BTBD16: variants seen among roughly 807,000 people sequenced by gnomAD.
BTBD16 encodes the protein BTB/POZ domain-containing protein 16.
BTBD16 carries 66 observed loss-of-function variants against 67.4 expected under a neutral mutation model. The ratio of observed to expected loss-of-function variants is 0.98; its 90% confidence interval spans 0.80 to 1.20. BTBD16 has a LOEUF of 1.20. BTBD16 is among the 50% of genes most tolerant of loss of function. BTBD16 has a pLI of 0.00. For missense variants in BTBD16, 634 were observed against 616.0 expected, an observed-to-expected ratio of 1.03 and a Z score of -0.31; for synonymous variants, 242 against 236.4, an observed-to-expected ratio of 1.02 and a Z score of -0.22.
chr10:122,273,188 A>C (rs777227388), intron 1 of BTBD16, among the ~76,000 whole-genome samples: 1 of 150,282 alleles, frequency 6.7e-6, no homozygotes, highest in African/African-American at 2.4e-5. Context: ...CACTTGGAAG[A>C]CTATTTCATA....
chr10:122,334,102 A>G (rs1375839393), intron 13 of BTBD16, among the ~76,000 whole-genome samples: 1 of 152,168 alleles, frequency 6.6e-6, no homozygotes. Flanking sequence ...TTCCTAGGTT[A>G]AAATTGCCAT....
In BTBD16 at chr10:122,336,666, C is replaced by T. The variant is rs141730095; in HGVS notation, c.1436C>T (p.Ser479Leu). The T allele has an allele frequency of 1.9e-5, 30 of 1,586,990 alleles. No individual in the cohort carries two copies. In the African/African-American group the frequency reaches 3.0e-4, roughly 16 times the overall value. The change falls in exon 15 of 16, where the codon TCA becomes TTA. Residue 479 changes from serine (S) to leucine (L), a missense_variant. Coordinates refer to ENST00000260723, the MANE Select transcript of BTBD16 (RefSeq NM_144587.5). ...AAGCAGAAGTTTGGGTTGACCACGT[C>T]ATCCTGCAAAAGCCATGCAAGTGTT... is the stretch of plus-strand genomic sequence containing the variant. The part of the protein sequence containing the change: ...QIKQKFGLTT[S>L]SCKSHTLKIQ...
chr10:122,299,155 T>G, intron 9 of BTBD16, 21 bp downstream of exon 9: 1 of 1,611,152 alleles, frequency 6.2e-7, no homozygotes, highest in Non-Finnish European at 8.5e-7. Flanking sequence ...GCTCCCAGGG[T>G]GCGGCCCCTG....
rs1276839018 is a variant in BTBD16, at chr10:122,332,462, C to T, written c.1113C>T (p.His371=). The change falls in exon 13 of 16, where the codon CAC becomes CAT. Residue 371 remains histidine (H), a synonymous_variant. Coordinates refer to ENST00000260723, the MANE Select transcript of BTBD16 (RefSeq NM_144587.5). ...TGGAGAATGGGGGCGACATGGTCCA[C>T]CTGAAAGATCTTAACACCCAGGCTG... ...HALENGGDMV[H]LKDLNTQAVR... 6.2e-7 allele frequency: 1 copy of T among 1,613,956 alleles called. No individual in the cohort carries two copies. Among genetic ancestry groups the T allele is most frequent in the African/African-American group, 1.3e-5 (1 of 74,910 alleles).
chr10:122,304,848 T>C lies in BTBD16; in HGVS notation c.792-2341T>C, dbSNP rs558430860. ...GATTACAGGTGTGAGCCACTGCGCC[T>C]GGCCAGCAGCTATTCTTTGGCAATG... On this transcript the variant is annotated intron_variant, in intron 9 of 15. Transcript: ENST00000260723. Among the ~76,000 whole-genome samples, 7 of 152,272 alleles carry C rather than the reference T, an allele frequency of 4.6e-5. No individual in the cohort carries two copies. The East Asian group carries it at 9.7e-4, about 21-fold the overall frequency.
intron 4 of BTBD16, 21 bp downstream of exon 4, chr10:122,283,945 G>A (rs1363196225): frequency 1.3e-6 from 2 of 1,570,478 alleles, no homozygotes; most frequent in Non-Finnish European, 1.8e-6. Context: ...GTTATCCATG[G>A]ATTAAGCCAG....
chr10:122,290,477 C>T (rs2096371947), intron 6 of BTBD16, among the ~76,000 whole-genome samples: 1 of 152,294 alleles, frequency 6.6e-6, no homozygotes, highest in African/African-American at 2.4e-5. Flanking sequence ...TGTGCAACAT[C>T]CGTGATGTCA....
chr10:122,272,495 C>T (rs2096330931), intron 1 of BTBD16, among the ~76,000 whole-genome samples: 1 of 152,212 alleles, frequency 6.6e-6, no homozygotes, highest in African/African-American at 2.4e-5. Context: ...GCATGCGCCA[C>T]CACACCCAGC....
At chr10:122,308,463 T>C (rs1463531058) in intron 10 of BTBD16, among the ~76,000 whole-genome samples, 3 of 152,310 alleles carry the variant, frequency 2.0e-5, no homozygotes, top group African/African-American at 7.2e-5. Context: ...ATTTTCTTCG[T>C]TGGAAACCAT....
chr10:122,300,358 A>T (rs779361590), intron 9 of BTBD16, among the ~76,000 whole-genome samples: 22 of 152,278 alleles, frequency 1.4e-4, no homozygotes, highest in Non-Finnish European at 2.8e-4. Context: ...GAATATTTGC[A>T]TAGAATATAT....
At chr10:122,296,702 G>A (rs942616150) in intron 7 of BTBD16, among the ~76,000 whole-genome samples, 1 of 152,238 alleles carries the variant, frequency 6.6e-6, no homozygotes, top group African/African-American at 2.4e-5. Context: ...CCTCCTTGGA[G>A]GGAGGCAAGG....
At chr10:122,291,307 G>A in intron 7 of BTBD16, 113 bp downstream of exon 7, 2 of 1,336,158 alleles carry the variant, frequency 1.5e-6, no homozygotes, top group Non-Finnish European at 2.0e-6. Context: ...CACCTCAGGT[G>A]TCTTTGTGCC....
intron 13 of BTBD16, 63 bp downstream of exon 13, chr10:122,332,576 T>C (rs1434328607): frequency 1.1e-5 from 17 of 1,527,324 alleles, no homozygotes; most frequent in Admixed American, 6.9e-5. Flanking sequence ...TTAAGAACCT[T>C]TGGAGGGCAG....
chr10:122,294,122 G>C, intron 7 of BTBD16: 2 of 985,446 alleles, frequency 2.0e-6, no homozygotes, highest in Non-Finnish European at 2.4e-6. Context: ...GTGGGGCTGG[G>C]ATTCTAGGTC....
intron 10 of BTBD16, among the ~76,000 whole-genome samples, chr10:122,318,771 A>G (rs2096430627): frequency 6.6e-6 from 1 of 152,150 alleles, no homozygotes; most frequent in Non-Finnish European, 1.5e-5. Context: ...TATTTAGTAG[A>G]GACAGGGTTT....
At chr10:122,337,828 T>C (rs1441719726) in intron 15 of BTBD16, among the ~76,000 whole-genome samples, 189 bp from the exon 16 acceptor site, 1 of 152,236 alleles carries the variant, frequency 6.6e-6, no homozygotes, top group Non-Finnish European at 1.5e-5. Context: ...TTGTGCACGT[T>C]ATTGTGTTTA....
chr10:122,331,130 T>C (rs759105650), intron 11 of BTBD16, 46 bp from the exon 12 acceptor site: 10 of 1,595,784 alleles, frequency 6.3e-6, no homozygotes, highest in Non-Finnish European at 6.8e-6. Context: ...TTTGAGGCTC[T>C]GGTGTGAATA....
intron 10 of BTBD16, among the ~76,000 whole-genome samples, chr10:122,314,090 AG>A (rs2096419509): frequency 6.6e-6 from 1 of 152,260 alleles, no homozygotes; most frequent in Non-Finnish European, 1.5e-5. Context: ...CCACCAAAAA[AG>A]ACAAGAGAAG....
chr10:122,311,977 C>A (rs1241796037), intron 10 of BTBD16, among the ~76,000 whole-genome samples: 4 of 152,212 alleles, frequency 2.6e-5, no homozygotes, highest in Non-Finnish European at 5.9e-5. Flanking sequence ...ATAGCTTGTT[C>A]ATTCTCATAG....
Sources: allele counts gnomAD v4.1 joint callset (sites outside exome capture counted in the v4.1 genomes callset), GRCh38; gene constraint gnomAD v4.1.1; transcripts MANE v1.5; gene names NCBI Gene and HGNC (gene_info 2026-07-23, HGNC 2026-07-21).